Variants in KIAA1614 observed in about 807,000 individuals in gnomAD.
The protein encoded by KIAA1614 is KIAA1614, also known as uncharacterized protein KIAA1614.
In KIAA1614, 76 loss-of-function variants were observed where a neutral mutation model predicts 88.7. The observed-to-expected ratio is 0.86, with a 90% confidence interval of 0.71 to 1.04. KIAA1614 has a LOEUF of 1.04. KIAA1614 is among the 50% of genes least tolerant of loss of function. KIAA1614 has a pLI of 0.00. For missense variants in KIAA1614, 1,553 were observed against 1,582.5 expected (o/e 0.98, Z 0.32); for synonymous variants, 714 against 675.5 (o/e 1.06, Z -0.88).
intron 7 of KIAA1614, among the ~76,000 whole-genome samples, chr1:180,942,271 C>A (rs938111187): frequency 2.6e-5 from 4 of 152,196 alleles, no homozygotes; most frequent in African/African-American, 7.2e-5. Context: ...GTGGGTGGGA[C>A]GCGCAGGGCA....
At chr1:180,922,577 G>A (rs993588248) in intron 3 of KIAA1614, among the ~76,000 whole-genome samples, 1 of 152,200 alleles carries the variant, frequency 6.6e-6, no homozygotes, top group African/African-American at 2.4e-5. Flanking sequence ...TGTGGTTCAA[G>A]TGGTCAGGCC....
At position 180,936,020 on chromosome 1, in the gene KIAA1614, G is replaced by A; in HGVS notation, c.2111G>A (p.Arg704Lys). The A allele has an allele frequency of 3.7e-6, 6 of 1,614,070 alleles. No individual in the cohort carries two copies. The highest frequency in any genetic ancestry group is 5.1e-6 in the Non-Finnish European group (6 of 1,179,920). Residue 704 changes from arginine to lysine, a missense_variant, in exon 5 of 9, where the codon AGA (arginine) becomes AAA (lysine). Physicochemically the swap from Arg to Lys is conservative, Grantham distance 26. Transcript: ENST00000367588. ...GHTPEGTLFL[R>K]EDAKPPDLEL... ...ACGCCTGAAGGAACTCTATTTTTGA[G>A]AGAAGATGCCAAGCCTCCTGACCTG...
chr1:180,916,922 T>C lies in KIAA1614; in HGVS notation c.819T>C (p.Gly273=), dbSNP rs756542577. ...TTGTCCCCAGGACGGCCCTGCTGGG[T>C]GAGCGCTGGAGAGCTGGAGACCTGG... is the stretch of plus-strand genomic sequence containing the variant. ...EVFVPRTALL[G]ERWRAGDLEA... is the part of the protein sequence containing the mutation. The change falls in exon 2 of 9, where the codon GGT becomes GGC. Residue 273 remains glycine, a synonymous_variant. Coordinates refer to ENST00000367588, the MANE Select transcript of KIAA1614 (RefSeq NM_020950.2). The C allele has an allele frequency of 6.2e-7, 1 of 1,614,216 alleles. No homozygotes were observed. Among genetic ancestry groups the C allele is most frequent in the Non-Finnish European group, 8.5e-7 (1 of 1,180,040 alleles).
chr1:180,941,780 C>A (rs1366666071), intron 7 of KIAA1614, among the ~76,000 whole-genome samples: 1 of 152,210 alleles, frequency 6.6e-6, no homozygotes, highest in Non-Finnish European at 1.5e-5. Flanking sequence ...TCCCTTATCG[C>A]CTTCAAGACA....
At chr1:180,934,115 G>T (rs923999337) in intron 4 of KIAA1614, among the ~76,000 whole-genome samples, 3 of 152,100 alleles carry the variant, frequency 2.0e-5, no homozygotes, top group African/African-American at 7.2e-5. Flanking sequence ...TTAGTCGGGC[G>T]TGGTGGCGCA....
chr1:180,945,750 G>T lies in KIAA1614; in HGVS notation c.*162G>T. ...GAGTGCGTTGGTGGGGAGTGTGCGG[G>T]AGGGGGTAGAGTTGGCAGGTTTGAC... On this transcript the variant is annotated 3_prime_UTR_variant, in exon 9 of 9. Coordinates refer to ENST00000367588, the MANE Select transcript of KIAA1614 (RefSeq NM_020950.2). The T allele has an allele frequency of 1.5e-6, 2 of 1,372,902 alleles. No individual in the cohort carries two copies. The highest frequency in any genetic ancestry group is 9.3e-7 in the Non-Finnish European group (1 of 1,073,972). The allele number at this position is 1,372,902 out of a possible 1,614,324, so 85.0% of individuals were successfully genotyped here. A position where few individuals can be genotyped will look rare whatever the true frequency, so the allele number is the denominator to read the frequency against.
chr1:180,945,134 A>T, intron 8 of KIAA1614, 169 bp from the exon 9 acceptor site: 1 of 712,534 alleles, frequency 1.4e-6, no homozygotes. Context: ...GCGGAAACCC[A>T]CCAGTTTTGG....
At chr1:180,928,755 GC>G (rs1375977445) in intron 4 of KIAA1614, among the ~76,000 whole-genome samples, 182 bp downstream of exon 4, 2 of 152,260 alleles carry the variant, frequency 1.3e-5, no homozygotes, top group African/African-American at 4.8e-5. Flanking sequence ...TTTCCTGAGG[GC>G]CTACAGTCAG....
At chr1:180,938,800 G>A (rs1326887253) in intron 6 of KIAA1614, 89 bp downstream of exon 6, 1 of 1,254,988 alleles carries the variant, frequency 8.0e-7, no homozygotes, top group South Asian at 1.4e-5. Flanking sequence ...GTGGTGGCAT[G>A]ACCCACCTCC....
At chr1:180,927,750 T>C (rs1654101789) in intron 3 of KIAA1614, among the ~76,000 whole-genome samples, 1 of 152,188 alleles carries the variant, frequency 6.6e-6, no homozygotes, top group African/African-American at 2.4e-5. Flanking sequence ...AGGACCCTTA[T>C]TATTATGAAA....
In KIAA1614 at chr1:180,935,588, T is replaced by C; in HGVS notation, c.1679T>C (p.Leu560Pro). ...QGKAPPVPRTLQELQAACGME... is the reference protein window; with the variant it reads ...QGKAPPVPRTPQELQAACGME... ...AAGGCGCCCCCCGTCCCCAGGACCCTCCAGGAGCTCCAGGCTGCCTGTGGG... is the reference window on the plus strand; with the variant it reads ...AAGGCGCCCCCCGTCCCCAGGACCCCCCAGGAGCTCCAGGCTGCCTGTGGG... Residue 560 changes from leucine to proline, a missense_variant, in exon 5 of 9, where the codon CTC (leucine) becomes CCC (proline). Leu to Pro is a moderately conservative substitution (Grantham distance 98). Transcript: ENST00000367588. This position sits in a 1 kb window ranked among gnomAD's most constrained non-coding sequence, Gnocchi z 6.1. 1 of 1,609,852 alleles carries C rather than the reference T, an allele frequency of 6.2e-7. No individual in the cohort carries two copies. Among genetic ancestry groups the C allele is most frequent in the Non-Finnish European group, 8.5e-7 (1 of 1,178,456 alleles).
At chr1:180,945,145 C>T in intron 8 of KIAA1614, 158 bp from the exon 9 acceptor site, 2 of 857,294 alleles carry the variant, frequency 2.3e-6, no homozygotes, top group Non-Finnish European at 3.4e-6. Context: ...CCAGTTTTGG[C>T]CCTAGCAGGC....
At chr1:180,937,688 G>A (rs774934086) in intron 5 of KIAA1614, among the ~76,000 whole-genome samples, 2 of 152,160 alleles carry the variant, frequency 1.3e-5, no homozygotes, top group Non-Finnish European at 2.9e-5. Context: ...AGACCTTATT[G>A]AGGATGTGGA....
In KIAA1614 at chr1:180,947,145, G is replaced by A. The variant is rs1654614909; in HGVS notation, c.*1557G>A. On this transcript the variant is annotated 3_prime_UTR_variant, in exon 9 of 9. Coordinates refer to ENST00000367588, the MANE Select transcript of KIAA1614 (RefSeq NM_020950.2). Reference sequence around the variant, plus strand: ...AGCATTCCGGCAGACTGAACAGCAAGTGCGGAGCCCTGGTGGAGGGGCGAG... The same window carrying A: ...AGCATTCCGGCAGACTGAACAGCAAATGCGGAGCCCTGGTGGAGGGGCGAG... 6.6e-6 allele frequency: 1 copy of A among 152,340 alleles called. No individual in the cohort carries two copies. The highest frequency in any genetic ancestry group is 6.5e-5 in the Admixed American group (1 of 15,286). 9.4% of individuals were successfully genotyped at this position (152,340 alleles called of 1,614,324 possible). A position where few individuals can be genotyped will look rare whatever the true frequency, so the allele number is the denominator to read the frequency against.
In KIAA1614 at chr1:180,930,155, C is replaced by A. The variant is rs550266247; in HGVS notation, c.1205+1582C>A. On this transcript the variant is annotated intron_variant, in intron 4 of 8. Transcript: ENST00000367588. Reference sequence around the variant, plus strand: ...GCATGGTGGGCTGGGCACCGTGGCTCACGCCTGTAATCCCACCACTTTGGG... The same window carrying A: ...GCATGGTGGGCTGGGCACCGTGGCTAACGCCTGTAATCCCACCACTTTGGG... Among the ~76,000 whole-genome samples the A allele has an allele frequency of 3.9e-5, 6 of 152,340 alleles. No individual in the cohort carries two copies. The South Asian group carries it at 1.2e-3, about 32-fold the overall frequency.
chr1:180,941,380 G>A (rs1025179943), intron 7 of KIAA1614, 95 bp downstream of exon 7: 8 of 1,425,390 alleles, frequency 5.6e-6, no homozygotes, highest in South Asian at 4.1e-5. Flanking sequence ...TGATGAGGAT[G>A]CCTCCCAAGG....
In KIAA1614 at chr1:180,935,792, C is replaced by T. The variant is rs751648938; in HGVS notation, c.1883C>T (p.Ala628Val). 5 of 1,613,806 alleles carry T rather than the reference C, an allele frequency of 3.1e-6. No individual in the cohort carries two copies. Among genetic ancestry groups the T allele is most frequent in the Non-Finnish European group, 4.2e-6 (5 of 1,179,938 alleles). ...AACTGCAGGACCGACAGTGAGGAGGCGGGGACCTCTCAGGCTGGCTGGGCG... is the reference window on the plus strand; with the variant it reads ...AACTGCAGGACCGACAGTGAGGAGGTGGGGACCTCTCAGGCTGGCTGGGCG... ...SDNCRTDSEEAGTSQAGWACG... is the reference protein window; with the variant it reads ...SDNCRTDSEEVGTSQAGWACG... The change falls in exon 5 of 9, where the codon GCG becomes GTG. Residue 628 changes from alanine to valine, a missense_variant. Coordinates refer to ENST00000367588, the MANE Select transcript of KIAA1614 (RefSeq NM_020950.2). The surrounding 1 kb of genome is among the most constrained non-coding windows in gnomAD (Gnocchi z 6.1).
chr1:180,936,519 G>A lies in KIAA1614; in HGVS notation c.2610G>A (p.Arg870=). 1.3e-5 allele frequency: 21 copies of A among 1,614,040 alleles called. No homozygotes were observed. Among genetic ancestry groups the A allele is most frequent in the Non-Finnish European group, 1.8e-5 (21 of 1,180,004 alleles). ...SQTQPSRPQV[R]HPLLALSTNN... is the part of the protein sequence containing the mutation. ...CCCAGCCCAGCCGCCCTCAGGTCAG[G>A]CACCCACTGCTGGCCCTGTCCACCA... is the stretch of plus-strand genomic sequence containing the variant. Residue 870 remains arginine (R), a synonymous_variant, in exon 5 of 9, where the codon AGG becomes AGA. Coordinates refer to ENST00000367588, the MANE Select transcript of KIAA1614 (RefSeq NM_020950.2).
chr1:180,933,288 T>A (rs1466531979), intron 4 of KIAA1614, among the ~76,000 whole-genome samples: 2 of 152,100 alleles, frequency 1.3e-5, no homozygotes, highest in Non-Finnish European at 2.9e-5. Context: ...CCTGGGAGTG[T>A]AAGAGGAAGC....
Sources: allele counts gnomAD v4.1 joint callset (sites outside exome capture counted in the v4.1 genomes callset), GRCh38; gene constraint gnomAD v4.1.1; non-coding constraint Gnocchi (gnomAD v3.1); transcripts MANE v1.5; gene names NCBI Gene and HGNC (gene_info 2026-07-23, HGNC 2026-07-21).